Variants in LHCGR observed in about 807,000 individuals in gnomAD.
The protein encoded by LHCGR is luteinizing hormone/choriogonadotropin receptor, also known as lutropin-choriogonadotropic hormone receptor.
A neutral mutation model predicts 60.7 loss-of-function variants in LHCGR; 55 were observed. The observed-to-expected ratio is 0.91, with a 90% CI of 0.73 to 1.13. The LOEUF (loss-of-function observed/expected upper bound fraction) is 1.13, where lower values mean the gene tolerates loss of function less well. Ranked by LOEUF, LHCGR falls within the 50% of genes most tolerant of loss-of-function variation. The pLI is 0.00. For missense variants in LHCGR, 862 were observed against 836.0 expected (o/e 1.03, Z -0.38); for synonymous variants, 337 against 316.5 (o/e 1.06, Z -0.69).
At chr2:48,750,173 C>A (rs1034796741) in intron 1 of LHCGR, among the ~76,000 whole-genome samples, 1 of 152,114 alleles carries the variant, frequency 6.6e-6, no homozygotes, top group Non-Finnish European at 1.5e-5. Context: ...GAGGGTAGGG[C>A]CAAGCTGTCT....
At chr2:48,712,127 C>T (rs1393938123) in intron 7 of LHCGR, among the ~76,000 whole-genome samples, 1 of 151,938 alleles carries the variant, frequency 6.6e-6, no homozygotes, top group Admixed American at 6.6e-5. Context: ...GCTCAAAGCC[C>T]ACCTTTCTCA....
At chr2:48,740,658 A>T (rs943890763) in intron 1 of LHCGR, among the ~76,000 whole-genome samples, 1 of 152,034 alleles carries the variant, frequency 6.6e-6, no homozygotes, top group African/African-American at 2.4e-5. Context: ...AAACTAACAA[A>T]CAGAAAGGAC....
At chr2:48,715,437 G>T (rs1039592066) in intron 6 of LHCGR, among the ~76,000 whole-genome samples, 3 of 152,162 alleles carry the variant, frequency 2.0e-5, no homozygotes, top group African/African-American at 7.2e-5. Flanking sequence ...AAAGGGCTGT[G>T]GTGTGATGTA....
chr2:48,687,861 G>A lies in LHCGR; in HGVS notation c.1936C>T (p.Arg646Cys), dbSNP rs201964457. ...LLLSKFGCCK[R>C]RAELYRRKDF... is the part of the protein sequence containing the mutation. ...TTCCTTCTATAAAGTTCAGCCCGAC[G>A]TTTACAGCAGCCAAATTTGCTCAGC... Residue 646 changes from arginine (R) to cysteine (C), a missense_variant, in exon 11 of 11, where the codon CGT becomes TGT. Arg to Cys is a radical substitution (Grantham distance 180, BLOSUM62 -3). Coordinates refer to ENST00000294954, the MANE Select transcript of LHCGR (RefSeq NM_000233.4). The A allele has an allele frequency of 2.2e-5, 36 of 1,614,116 alleles. No individual in the cohort carries two copies. The highest frequency in any genetic ancestry group is 8.8e-5 in the South Asian group (8 of 91,078).
chr2:48,694,086 C>T, intron 10 of LHCGR, 138 bp downstream of exon 10: 1 of 657,212 alleles, frequency 1.5e-6, no homozygotes, highest in Non-Finnish European at 2.7e-6. Flanking sequence ...AAAAAATTCC[C>T]ATTTTAAAAC....
intron 1 of LHCGR, among the ~76,000 whole-genome samples, chr2:48,753,921 G>A (rs1176283062): frequency 6.6e-6 from 1 of 152,194 alleles, no homozygotes; most frequent in African/African-American, 2.4e-5. Context: ...TTCAATAGCT[G>A]TGAGACCTTG....
At chr2:48,715,475 C>T (rs1572853948) in intron 6 of LHCGR, among the ~76,000 whole-genome samples, 1 of 152,198 alleles carries the variant, frequency 6.6e-6, no homozygotes, top group South Asian at 2.1e-4. Flanking sequence ...TCTGCCAACA[C>T]CCTAACTTCC....
At chr2:48,734,187 G>C (rs534831486) in intron 1 of LHCGR, among the ~76,000 whole-genome samples, 5 of 152,334 alleles carry the variant, frequency 3.3e-5, no homozygotes, top group African/African-American at 7.2e-5. Context: ...GTAGAAGTGA[G>C]AGTCTAAAGG....
intron 8 of LHCGR, chr2:48,708,703 C>T: frequency 1.7e-6 from 1 of 587,540 alleles, no homozygotes; most frequent in Non-Finnish European, 3.0e-6. Context: ...CCAACCCCTG[C>T]TGACACCTTG....
At chr2:48,694,447 TG>T (rs779284587) in intron 9 of LHCGR, 143 bp from the exon 10 acceptor site, 1 of 665,842 alleles carries the variant, frequency 1.5e-6, no homozygotes, top group Non-Finnish European at 2.7e-6. Flanking sequence ...CTAACTGAAA[TG>T]CTTCCTGAGG....
intron 4 of LHCGR, among the ~76,000 whole-genome samples, chr2:48,724,553 GGATAGCAGTGTGGGATTA>G (rs1355378158): frequency 6.6e-6 from 1 of 152,076 alleles, no homozygotes; most frequent in Non-Finnish European, 1.5e-5. Context: ...CTACAGCTGG[GGATAGCAGTGTGGGATTA>G]GACTGCAACG....
chr2:48,734,199 A>T (rs12987764), intron 1 of LHCGR, among the ~76,000 whole-genome samples: 24,348 of 152,218 alleles, frequency 0.16, 2,475 homozygotes, highest in South Asian at 0.31. Context: ...GTCTAAAGGC[A>T]CACAGAGTAG....
At chr2:48,710,665 G>C (rs1295569467) in intron 7 of LHCGR, among the ~76,000 whole-genome samples, 2 of 152,174 alleles carry the variant, frequency 1.3e-5, no homozygotes, top group Non-Finnish European at 2.9e-5. Flanking sequence ...TTCCCAGCTT[G>C]GGTGCTCTGG....
In LHCGR at chr2:48,721,486, T is replaced by G. The variant is rs1668493251; in HGVS notation, c.536+1970A>C. 3 of 275,858 alleles carry G rather than the reference T, an allele frequency of 1.1e-5. No individual in the cohort carries two copies. The South Asian group carries it at 1.1e-4, about 11-fold the overall frequency. The allele number at this position is 275,858 out of a possible 1,614,324, so 17.1% of individuals were successfully genotyped here. A position where few individuals can be genotyped will look rare whatever the true frequency, so the allele number is the denominator to read the frequency against. ...TATTTTTGAAATTATTTTTGGTTGCTGCTCTGTATTCTTTTGATTGCATTA... is the reference window on the plus strand; with the variant it reads ...TATTTTTGAAATTATTTTTGGTTGCGGCTCTGTATTCTTTTGATTGCATTA... On this transcript the variant is annotated intron_variant, in intron 6 of 10. Coordinates refer to ENST00000294954, the MANE Select transcript of LHCGR (RefSeq NM_000233.4).
chr2:48,722,475 G>T (rs2104449785), intron 6 of LHCGR, among the ~76,000 whole-genome samples: 1 of 152,266 alleles, frequency 6.6e-6, no homozygotes, highest in East Asian at 1.9e-4. Flanking sequence ...CTGGTGGGAG[G>T]TGACTGGATC....
intron 1 of LHCGR, among the ~76,000 whole-genome samples, chr2:48,737,955 T>C (rs1235862519): frequency 1.3e-5 from 2 of 152,226 alleles, no homozygotes; most frequent in African/African-American, 2.4e-5. Flanking sequence ...GACTAAAGCA[T>C]TGGTTTCTTC....
chr2:48,743,089 C>A (rs1669543729), intron 1 of LHCGR, among the ~76,000 whole-genome samples: 1 of 152,196 alleles, frequency 6.6e-6, no homozygotes, highest in Non-Finnish European at 1.5e-5. Context: ...ACTAGAAAAT[C>A]TAGAAGAAAT....
intron 7 of LHCGR, among the ~76,000 whole-genome samples, chr2:48,711,944 T>TA (rs1491011568): frequency 2.0e-5 from 3 of 152,146 alleles, no homozygotes; most frequent in Admixed American, 1.3e-4. Context: ...GAAGAGAGTC[T>TA]AAACTCTTTA....
intron 1 of LHCGR, among the ~76,000 whole-genome samples, chr2:48,740,592 C>T (rs1313806729): frequency 1.4e-4 from 21 of 152,144 alleles, no homozygotes; most frequent in Admixed American, 1.4e-3. Flanking sequence ...ACTGACACCT[C>T]ACATGGCCGG....
Sources: gnomAD v4.1 joint callset for allele counts (sites outside exome capture counted in the v4.1 genomes callset) on GRCh38, gnomAD v4.1.1 for gene constraint, MANE v1.5 for transcripts, NCBI Gene and HGNC (gene_info 2026-07-23, HGNC 2026-07-21) for gene names.